Variants in CSMD2 observed in about 807,000 individuals in gnomAD.
CSMD2 encodes the protein CUB and sushi domain-containing protein 2.
In CSMD2, 130 loss-of-function variants were observed where a neutral mutation model predicts 398.5. The observed-to-expected ratio is 0.33, with a 90% confidence interval of 0.28 to 0.38. The LOEUF (loss-of-function observed/expected upper bound fraction) is 0.38, where lower values mean the gene tolerates loss of function less well. Among genes scored for constraint, CSMD2 ranks in the 10% least tolerant of loss-of-function variants. CSMD2 has a pLI of 1.00. For missense variants in CSMD2, 3,829 were observed against 4,764.9 expected (o/e 0.80, Z 5.78); for synonymous variants, 1,828 against 1,908.5 (o/e 0.96, Z 1.10).
At chr1:33,900,191 A>G (rs1322881818) in intron 5 of CSMD2, among the ~76,000 whole-genome samples, 1 of 152,206 alleles carries the variant, frequency 6.6e-6, no homozygotes, top group Non-Finnish European at 1.5e-5. Context: ...ATTATTTCTT[A>G]TAACTGTATG....
Position 33,724,323 on chromosome 1 carries a change from G to C in CSMD2, c.2885-10C>G, listed in dbSNP as rs200031581. On this transcript the variant is annotated splice_polypyrimidine_tract_variant and intron_variant, in intron 18 of 70. Transcript: ENST00000373381. ...AAGCCACCACAGAGAGCTACAGAAG[G>C]AGTGAAGAGGGCAGTGAAAGACCAG... The C allele has an allele frequency of 6.3e-7, 1 of 1,598,660 alleles. No homozygotes were observed. The highest frequency in any genetic ancestry group is 2.2e-5 in the East Asian group (1 of 44,788).
chr1:33,789,687 A>G (rs75799127), intron 11 of CSMD2, among the ~76,000 whole-genome samples: 3,439 of 152,298 alleles, frequency 0.023, 118 homozygotes, highest in African/African-American at 0.078. Flanking sequence ...AGCTGCAGAG[A>G]GGTCATCACA....
rs11367076 is a variant in CSMD2, at chr1:33,610,226, A to ATTT, written c.6343+812_6343+814dup. Reference sequence around the variant, plus strand: ...TCACAAAATTATCTACAGTGTTTAGATTTTTTTTTTTTTTTTTACAAACAT... The same window carrying ATTT: ...TCACAAAATTATCTACAGTGTTTAGATTTTTTTTTTTTTTTTTTTTACAAACAT... On this transcript the variant is annotated intron_variant, in intron 41 of 70. Coordinates refer to ENST00000373381, the MANE Select transcript of CSMD2 (RefSeq NM_001281956.2). Among the ~76,000 whole-genome samples the ATTT allele has an allele frequency of 4.8e-3, 690 of 144,426 alleles. 6 individuals are homozygous for ATTT. The highest frequency in any genetic ancestry group is 0.017 in the African/African-American group (660 of 39,630). 94.7% of individuals were successfully genotyped at this position (144,426 alleles called of 152,430 possible).
intron 6 of CSMD2, among the ~76,000 whole-genome samples, chr1:33,840,817 G>C (rs560461529): frequency 6.6e-6 from 1 of 152,244 alleles, no homozygotes; most frequent in South Asian, 2.1e-4. Flanking sequence ...CTTTGGAGGT[G>C]CAGAACCTGG....
intron 15 of CSMD2, among the ~76,000 whole-genome samples, chr1:33,730,822 A>G (rs1244519346): frequency 3.3e-5 from 5 of 152,218 alleles, no homozygotes; most frequent in Non-Finnish European, 7.3e-5. Flanking sequence ...GTGTTTTTAC[A>G]TTGGAAATGA....
intron 41 of CSMD2, among the ~76,000 whole-genome samples, chr1:33,610,052 G>C (rs1319062925): frequency 1.3e-5 from 2 of 152,174 alleles, no homozygotes; most frequent in Non-Finnish European, 2.9e-5. Context: ...CTATGAACTA[G>C]AAAGTGGGTC....
At position 33,772,584 on chromosome 1, in the gene CSMD2, T is replaced by C; in HGVS notation, c.1831A>G (p.Lys611Glu). 1 of 1,613,676 alleles carries C rather than the reference T, an allele frequency of 6.2e-7. No homozygotes were observed. Among genetic ancestry groups the C allele is most frequent in the Non-Finnish European group, 8.5e-7 (1 of 1,179,676 alleles). Residue 611 changes from lysine to glutamate, a missense_variant, in exon 13 of 71, where the codon AAG becomes GAG. Transcript: ENST00000373381. ...CQKNNQWSAK[K>E]PGCVFSCFFN... ...GCTCACTTACACACGCAGCCTGGCT[T>C]CTTAGCCGACCATTGGTTATTCTTT...
At chr1:33,650,657 G>A (rs1306866345) in intron 28 of CSMD2, among the ~76,000 whole-genome samples, 1 of 152,164 alleles carries the variant, frequency 6.6e-6, no homozygotes, top group African/African-American at 2.4e-5. Context: ...AGAGGGCCAT[G>A]ATAGGATTTA....
intron 41 of CSMD2, chr1:33,605,912 A>C: frequency 6.2e-7 from 1 of 1,613,874 alleles, no homozygotes; most frequent in Non-Finnish European, 8.5e-7. Flanking sequence ...CGACGGGAGG[A>C]GTTGAGTTGG....
chr1:33,652,282 C>T (rs984960430), intron 28 of CSMD2, 41 bp downstream of exon 28: 1 of 1,610,010 alleles, frequency 6.2e-7, no homozygotes, highest in Admixed American at 1.7e-5. Context: ...CCCCTAGCCA[C>T]TCTGAACCCT....
chr1:33,635,640 AC>A lies in CSMD2; in HGVS notation c.4970-311del, dbSNP rs1183050685. Among the ~76,000 whole-genome samples the A allele has an allele frequency of 6.6e-6, 1 of 152,102 alleles. No homozygotes were observed. The highest frequency in any genetic ancestry group is 6.5e-5 in the Admixed American group (1 of 15,270). On this transcript the variant is annotated intron_variant, in intron 30 of 70. Transcript: ENST00000373381. This position sits in a 1 kb window ranked among gnomAD's most constrained non-coding sequence, Gnocchi z 5.0. ...CACAGCCTTAGGGAGCACATTAGGA[AC>A]CTCTTCTGCTTACACGTGGAGCCTA...
chr1:34,132,857 T>A (rs1477667672), intron 1 of CSMD2, among the ~76,000 whole-genome samples: 1 of 152,214 alleles, frequency 6.6e-6, no homozygotes, highest in Non-Finnish European at 1.5e-5. Context: ...TCAGTTTTCC[T>A]GGGTCTGCAG....
chr1:34,019,934 C>T (rs1397746288), intron 3 of CSMD2, among the ~76,000 whole-genome samples: 1 of 152,142 alleles, frequency 6.6e-6, no homozygotes, highest in Non-Finnish European at 1.5e-5. Flanking sequence ...TTACTGAGTA[C>T]CTAACATGTG....
intron 15 of CSMD2, among the ~76,000 whole-genome samples, chr1:33,737,246 C>T (rs1646914560): frequency 6.6e-6 from 1 of 152,120 alleles, no homozygotes; most frequent in Admixed American, 6.5e-5. Flanking sequence ...GTGCTGATTG[C>T]ACTGAGGAAG....
intron 39 of CSMD2, among the ~76,000 whole-genome samples, 177 bp from the exon 40 acceptor site, chr1:33,614,797 G>A (rs1298694555): frequency 4.6e-5 from 7 of 152,164 alleles, no homozygotes; most frequent in Admixed American, 1.3e-4. Context: ...CATTCAATAT[G>A]TACATTCAGG....
At chr1:34,049,569 C>G (rs1652941076) in intron 2 of CSMD2, among the ~76,000 whole-genome samples, 1 of 152,150 alleles carries the variant, frequency 6.6e-6, no homozygotes, top group Non-Finnish European at 1.5e-5. Flanking sequence ...TAGTGACATA[C>G]TGTAAAACAG....
chr1:33,515,891 T>G lies in CSMD2; in HGVS notation c.*733A>C, dbSNP rs2148506989. 6.6e-6 allele frequency: 1 copy of G among 152,392 alleles called. No homozygotes were observed. The highest frequency in any genetic ancestry group is 2.1e-4 in the South Asian group (1 of 4,822). 9.4% of individuals were successfully genotyped at this position (152,392 alleles called of 1,614,324 possible). A position where few individuals can be genotyped will look rare whatever the true frequency, so the allele number is the denominator to read the frequency against. On this transcript the variant is annotated 3_prime_UTR_variant, in exon 71 of 71. Coordinates refer to ENST00000373381, the MANE Select transcript of CSMD2 (RefSeq NM_001281956.2). ...AGTGCTTCCCAGGACCCAAATGACTTTTTAATCCACTGGGTTTAGAACTCA... is the reference window on the plus strand; with the variant it reads ...AGTGCTTCCCAGGACCCAAATGACTGTTTAATCCACTGGGTTTAGAACTCA...
At chr1:33,907,131 T>C (rs2125251233) in intron 5 of CSMD2, among the ~76,000 whole-genome samples, 1 of 148,634 alleles carries the variant, frequency 6.7e-6, no homozygotes, top group African/African-American at 2.5e-5. Flanking sequence ...TTTTTTTTTT[T>C]TTTTTGAGAC....
chr1:33,966,289 A>G (rs1645555048), intron 3 of CSMD2, among the ~76,000 whole-genome samples: 1 of 152,190 alleles, frequency 6.6e-6, no homozygotes, highest in Admixed American at 6.5e-5. Flanking sequence ...CCCTAGAAGC[A>G]ACCATGAAAA....
Sources: gnomAD v4.1 joint callset for allele counts (sites outside exome capture counted in the v4.1 genomes callset) on GRCh38, gnomAD v4.1.1 for gene constraint, Gnocchi (gnomAD v3.1) non-coding constraint, MANE v1.5 for transcripts, NCBI Gene and HGNC (gene_info 2026-07-23, HGNC 2026-07-21) for gene names.